The following CR1 variants were observed in gnomAD, a reference collection of about 807,000 sequenced individuals.
CR1 encodes the protein complement receptor type 1.
In CR1, 116 loss-of-function variants were observed where a neutral mutation model predicts 187.3. That is an observed-to-expected ratio of 0.62 (90% CI 0.53 to 0.72). The LOEUF is 0.72. Among genes scored for constraint, CR1 ranks in the 30% least tolerant of loss-of-function variants. The pLI, the probability that CR1 is intolerant of heterozygous loss-of-function variation, is 0.00. For missense variants in CR1, 1,731 were observed against 2,110.7 expected, an observed-to-expected ratio of 0.82 and a Z score of 3.52; for synonymous variants, 576 against 747.1, an observed-to-expected ratio of 0.77 and a Z score of 3.73.
At chr1:207,621,926 A>G (rs1391816348) in intron 43 of CR1, 47 bp from the exon 44 acceptor site, 5 of 1,523,436 alleles carry the variant, frequency 3.3e-6, no homozygotes, top group Non-Finnish European at 3.6e-6. Flanking sequence ...CTGTTCAATC[A>G]TGTTGCATGC....
At chr1:207,523,483 A>G in intron 4 of CR1, 128 bp from the exon 5 acceptor site, 1 of 1,460,440 alleles carries the variant, frequency 6.8e-7, no homozygotes, top group Non-Finnish European at 9.3e-7. Context: ...ATAAAAATGT[A>G]CCTATGTGTT....
intron 35 of CR1, among the ~76,000 whole-genome samples, chr1:207,596,811 CAT>C (rs1375994941): frequency 2.7e-5 from 4 of 147,014 alleles, no homozygotes; most frequent in African/African-American, 7.4e-5. Flanking sequence ...TATAATATAA[CAT>C]AAAATTCATA....
Position 207,611,678 on chromosome 1 carries a change from G to A in CR1, c.6297G>A (p.Val2099=), listed in dbSNP as rs1027762418. 6.2e-7 allele frequency: 1 copy of A among 1,613,784 alleles called. No homozygotes were observed. Among genetic ancestry groups the A allele is most frequent in the Non-Finnish European group, 8.5e-7 (1 of 1,179,746 alleles). Residue 2099 remains valine (V), a splice_region_variant and synonymous_variant, in exon 38 of 47, where the codon GTG becomes GTA. Transcript: ENST00000367049. ...WGPKLPHCSR[V]CQPPPEILHG... The stretch of plus-strand genomic sequence containing the variant: ...GCTCTGGAACTGTCCTTTCCACAGT[G>A]TGTCAGCCGCCTCCAGAAATCCTGC...
At position 207,578,079 on chromosome 1, in the gene CR1, C is replaced by T. The variant is rs1660817822; in HGVS notation, c.4812C>T (p.Ser1604=). 1.2e-6 allele frequency: 2 copies of T among 1,611,726 alleles called. No homozygotes were observed. The highest frequency in any genetic ancestry group is 1.7e-6 in the Non-Finnish European group (2 of 1,179,640). The part of the protein sequence containing the change: ...ENGILVSDNR[S]LFSLNEVVEF... ...GAATATTGGTATCTGACAACAGAAG[C>T]TTATTTTCCTTAAATGAAGTTGTGG... Residue 1604 remains serine (S), a synonymous_variant, in exon 29 of 47, where the codon AGC becomes AGT. Coordinates refer to ENST00000367049, the MANE Select transcript of CR1 (RefSeq NM_000651.6).
chr1:207,514,465 C>T (rs1289361566), intron 4 of CR1, among the ~76,000 whole-genome samples: 2 of 152,084 alleles, frequency 1.3e-5, no homozygotes, highest in Non-Finnish European at 2.9e-5. Context: ...AGAGCCATCA[C>T]GAATGGGATT....
intron 23 of CR1, among the ~76,000 whole-genome samples, chr1:207,565,174 A>T (rs926113190): frequency 1.3e-5 from 2 of 150,168 alleles, no homozygotes; most frequent in African/African-American, 5.1e-5. Context: ...TGATCCCATA[A>T]TGTAACACAG....
At chr1:207,580,120 G>A in intron 29 of CR1, 120 bp from the exon 30 acceptor site, 3 of 1,389,864 alleles carry the variant, frequency 2.2e-6, no homozygotes, top group East Asian at 2.3e-5. Flanking sequence ...GTGAATTTGG[G>A]GCCTTGTGCT....
At chr1:207,567,255 T>A (rs1489100103) in intron 24 of CR1, among the ~76,000 whole-genome samples, 1 of 144,670 alleles carries the variant, frequency 6.9e-6, no homozygotes, top group African/African-American at 2.7e-5. Flanking sequence ...GCCATCTGAA[T>A]CCATTTGGAG....
At chr1:207,628,977 T>C (rs1012724832) in intron 45 of CR1, among the ~76,000 whole-genome samples, 1 of 152,248 alleles carries the variant, frequency 6.6e-6, no homozygotes, top group African/African-American at 2.4e-5. Flanking sequence ...TGTGATTTAA[T>C]CTCACTGCCT....
intron 4 of CR1, among the ~76,000 whole-genome samples, chr1:207,520,056 T>A (rs1571514088): frequency 6.6e-6 from 1 of 152,364 alleles, no homozygotes; most frequent in East Asian, 1.9e-4. Context: ...GACACTGTTG[T>A]CTTTATAAAA....
chr1:207,606,869 T>C (rs1383324600), intron 35 of CR1, among the ~76,000 whole-genome samples: 1 of 152,200 alleles, frequency 6.6e-6, no homozygotes, highest in Non-Finnish European at 1.5e-5. Context: ...AGCTAGGTGC[T>C]ATAGTGTTAA....
intron 29 of CR1, among the ~76,000 whole-genome samples, chr1:207,579,176 C>T (rs1660858983): frequency 6.6e-6 from 1 of 152,164 alleles, no homozygotes; most frequent in African/African-American, 2.4e-5. Context: ...ATAATATGCC[C>T]TCTCGTGACA....
Position 207,581,951 on chromosome 1 carries a change from T to G in CR1, c.5250T>G (p.Cys1750Trp), listed in dbSNP as rs1332177319. Reference protein sequence around the residue: ...FRLKGSSVSHCVLVGMRSLWN... With the variant: ...FRLKGSSVSHWVLVGMRSLWN... ...TAAAGGGCAGTTCCGTTAGTCATTG[T>G]GTCTTGGTTGGAATGAGAAGCCTTT... The change falls in exon 32 of 47, where the codon TGT becomes TGG. Residue 1750 changes from cysteine (C) to tryptophan (W), a missense_variant. Coordinates refer to ENST00000367049, the MANE Select transcript of CR1 (RefSeq NM_000651.6). 1 of 1,613,406 alleles carries G rather than the reference T, an allele frequency of 6.2e-7. No homozygotes were observed. The highest frequency in any genetic ancestry group is 8.5e-7 in the Non-Finnish European group (1 of 1,179,478).
At chr1:207,638,490 C>G (rs1174544141) in intron 46 of CR1, among the ~76,000 whole-genome samples, 1 of 152,174 alleles carries the variant, frequency 6.6e-6, no homozygotes, top group Admixed American at 6.5e-5. Context: ...GACATCTGCT[C>G]CAGTGTCTAC....
chr1:207,639,438 C>T lies in CR1; in HGVS notation c.*29C>T, dbSNP rs1200294048. 6 of 1,588,800 alleles carry T rather than the reference C, an allele frequency of 3.8e-6. No homozygotes were observed. In the Admixed American group the frequency reaches 5.3e-5, roughly 14 times the overall value. On this transcript the variant is annotated 3_prime_UTR_variant, in exon 47 of 47. Coordinates refer to ENST00000367049, the MANE Select transcript of CR1 (RefSeq NM_000651.6). ...AGTACTATACAGCTGAAGAACATCT[C>T]GAATACAATTTTGGTGGGAAAGGAG...
intron 45 of CR1, among the ~76,000 whole-genome samples, chr1:207,627,321 A>AT (rs1353573794): frequency 5.9e-5 from 9 of 152,072 alleles, no homozygotes; most frequent in South Asian, 2.1e-4. Context: ...GAAGTCGGGG[A>AT]TTTTTGTCCT....
At chr1:207,598,472 T>A (rs1158926614) in intron 35 of CR1, among the ~76,000 whole-genome samples, 1 of 151,364 alleles carries the variant, frequency 6.6e-6, no homozygotes, top group Non-Finnish European at 1.5e-5. Context: ...CAGGCTGGAG[T>A]GCAGTGGCAC....
chr1:207,580,449 C>T, intron 30 of CR1, 33 bp downstream of exon 30: 1 of 1,609,238 alleles, frequency 6.2e-7, no homozygotes, highest in Admixed American at 1.7e-5. Flanking sequence ...AGATTTCTCT[C>T]TTTACCCCAC....
chr1:207,500,636 C>T (rs771605041), intron 1 of CR1, among the ~76,000 whole-genome samples: 5 of 152,080 alleles, frequency 3.3e-5, no homozygotes, highest in Admixed American at 2.0e-4. Flanking sequence ...CAAGTGTTGG[C>T]GATAAGGTGG....
Sources: allele counts gnomAD v4.1 joint callset (sites outside exome capture counted in the v4.1 genomes callset), GRCh38; gene constraint gnomAD v4.1.1; transcripts MANE v1.5; gene names NCBI Gene and HGNC (gene_info 2026-07-23, HGNC 2026-07-21).